PXDNL: variants seen among roughly 807,000 people sequenced by gnomAD.
PXDNL encodes probable oxidoreductase PXDNL.
A neutral mutation model predicts 150.8 loss-of-function variants in PXDNL; 145 were observed. The ratio of observed to expected loss-of-function variants is 0.96; its 90% CI spans 0.84 to 1.10. PXDNL has a LOEUF of 1.10. Among genes scored for constraint, PXDNL ranks in the 50% least tolerant of loss-of-function variants. The pLI is 0.00. For missense variants in PXDNL, 2,087 were observed against 1,873.9 expected, an observed-to-expected ratio of 1.11 and a Z score of -2.10; for synonymous variants, 757 against 725.7, an observed-to-expected ratio of 1.04 and a Z score of -0.69.
chr8:51,359,520 G>A (rs1806644020), intron 19 of PXDNL, among the ~76,000 whole-genome samples: 1 of 151,950 alleles, frequency 6.6e-6, no homozygotes, highest in South Asian at 2.1e-4. Flanking sequence ...AAGAGATTTG[G>A]AGGGTAGACC....
At chr8:51,444,599 C>A (rs1242302419) in intron 12 of PXDNL, among the ~76,000 whole-genome samples, 2 of 152,188 alleles carry the variant, frequency 1.3e-5, no homozygotes, top group Non-Finnish European at 2.9e-5. Flanking sequence ...ACATGAAATT[C>A]ATGTGCAATA....
intron 14 of PXDNL, among the ~76,000 whole-genome samples, chr8:51,416,990 T>C (rs1808816295): frequency 6.6e-6 from 1 of 152,242 alleles, no homozygotes; most frequent in African/African-American, 2.4e-5. Context: ...TTGATTTCAG[T>C]GTTGTTTTGT....
intron 2 of PXDNL, among the ~76,000 whole-genome samples, chr8:51,596,398 C>A (rs1288615911): frequency 6.6e-6 from 1 of 152,072 alleles, no homozygotes; most frequent in Non-Finnish European, 1.5e-5. Flanking sequence ...GATATGTTTT[C>A]TTTTGGATAT....
chr8:51,426,940 G>T (rs1280557938), intron 12 of PXDNL, among the ~76,000 whole-genome samples, 182 bp from the exon 13 acceptor site: 1 of 152,196 alleles, frequency 6.6e-6, no homozygotes, highest in African/African-American at 2.4e-5. Context: ...GGCAAGTACA[G>T]CAGAGGCCGG....
At chr8:51,683,819 C>T (rs1373961271) in intron 1 of PXDNL, among the ~76,000 whole-genome samples, 1 of 152,130 alleles carries the variant, frequency 6.6e-6, no homozygotes, top group Non-Finnish European at 1.5e-5. Context: ...TGTAGGCAAA[C>T]AGCTCCAGTG....
intron 3 of PXDNL, among the ~76,000 whole-genome samples, chr8:51,573,938 A>C (rs1472807632): frequency 1.3e-5 from 2 of 151,990 alleles, no homozygotes; most frequent in Non-Finnish European, 2.9e-5. Context: ...CAGAGTAAAG[A>C]CTATGTAAAG....
At chr8:51,504,967 A>C (rs983474726) in intron 4 of PXDNL, among the ~76,000 whole-genome samples, 1 of 152,222 alleles carries the variant, frequency 6.6e-6, no homozygotes, top group African/African-American at 2.4e-5. Flanking sequence ...ACATTTACAC[A>C]AGTCTGACTT....
chr8:51,436,270 A>G, intron 12 of PXDNL: 1 of 502,156 alleles, frequency 2.0e-6, no homozygotes, highest in Non-Finnish European at 4.0e-6. Context: ...GTTTTATATC[A>G]TAGAAGAAGG....
chr8:51,455,153 G>A (rs1285251536), intron 9 of PXDNL, among the ~76,000 whole-genome samples: 3 of 150,248 alleles, frequency 2.0e-5, no homozygotes, highest in Non-Finnish European at 4.4e-5. Flanking sequence ...GAAAGTATAG[G>A]GAAAGTTATT....
At chr8:51,512,040 C>T (rs1385814006) in intron 4 of PXDNL, among the ~76,000 whole-genome samples, 1 of 152,072 alleles carries the variant, frequency 6.6e-6, no homozygotes, top group Non-Finnish European at 1.5e-5. Flanking sequence ...GCACTGTGGC[C>T]GTGAACAATG....
intron 19 of PXDNL, among the ~76,000 whole-genome samples, chr8:51,354,262 T>TA (rs993920738): frequency 4.6e-5 from 7 of 152,152 alleles, no homozygotes; most frequent in Non-Finnish European, 7.4e-5. Flanking sequence ...TTCTAATTTT[T>TA]ATCATTTATC....
chr8:51,626,211 A>C (rs1814357766), intron 2 of PXDNL, among the ~76,000 whole-genome samples: 1 of 152,232 alleles, frequency 6.6e-6, no homozygotes, highest in Non-Finnish European at 1.5e-5. Flanking sequence ...CTGTTCTGAT[A>C]GTTTTCTATC....
chr8:51,423,461 A>T, intron 14 of PXDNL, 114 bp downstream of exon 14: 1 of 714,700 alleles, frequency 1.4e-6, no homozygotes, highest in South Asian at 5.0e-5. Flanking sequence ...AACACACTTG[A>T]CCAGAAAGAA....
chr8:51,420,865 T>G (rs10102027), intron 14 of PXDNL, among the ~76,000 whole-genome samples: 5,748 of 152,212 alleles, frequency 0.038, 341 homozygotes, highest in African/African-American at 0.13. Flanking sequence ...ATTTTTTGTA[T>G]TTTTAGTAGA....
At chr8:51,718,233 T>C (rs1173653892) in intron 1 of PXDNL, among the ~76,000 whole-genome samples, 1 of 151,968 alleles carries the variant, frequency 6.6e-6, no homozygotes, top group Non-Finnish European at 1.5e-5. Context: ...CTCAGGGGTC[T>C]GGAAGGAGGG....
chr8:51,657,103 G>T (rs748564560), intron 1 of PXDNL, among the ~76,000 whole-genome samples: 3 of 152,056 alleles, frequency 2.0e-5, no homozygotes, highest in African/African-American at 7.2e-5. Flanking sequence ...CCTTAAACAC[G>T]CTCAGAACAC....
intron 4 of PXDNL, among the ~76,000 whole-genome samples, chr8:51,545,714 T>C (rs562985481): frequency 3.2e-4 from 48 of 152,306 alleles, no homozygotes; most frequent in African/African-American, 1.0e-3. Flanking sequence ...AATCCCAAGA[T>C]GTGGAACTCA....
intron 1 of PXDNL, among the ~76,000 whole-genome samples, chr8:51,658,593 G>A (rs1815205523): frequency 2.6e-5 from 4 of 152,022 alleles, no homozygotes; most frequent in Admixed American, 2.6e-4. Context: ...AGGTCTTTAG[G>A]ATTGCATACA....
At chr8:51,344,553 G>A (rs1806086198) in intron 20 of PXDNL, among the ~76,000 whole-genome samples, 1 of 152,148 alleles carries the variant, frequency 6.6e-6, no homozygotes, top group Non-Finnish European at 1.5e-5. Context: ...GCCCCAATAA[G>A]AATTAATCAC....
Sources: gnomAD v4.1 joint callset for allele counts (sites outside exome capture counted in the v4.1 genomes callset) on GRCh38, gnomAD v4.1.1 for gene constraint, MANE v1.5 for transcripts, NCBI Gene and HGNC (gene_info 2026-07-23, HGNC 2026-07-21) for gene names.